Variants in GPR107 observed in about 807,000 individuals in gnomAD.
GPR107 encodes protein GPR107.
In GPR107, 31 loss-of-function variants were observed where a neutral mutation model predicts 75.5. The observed-to-expected ratio is 0.41, with a 90% confidence interval of 0.31 to 0.55. The LOEUF is 0.55. Ranked by LOEUF, GPR107 falls within the 20% of genes least tolerant of loss-of-function variation. The pLI, the probability that GPR107 is intolerant of heterozygous loss-of-function variation, is 0.26. For synonymous variants in GPR107, 267 were observed against 251.3 expected (o/e 1.06, Z -0.59); for missense variants, 572 against 665.7 (o/e 0.86, Z 1.55).
chr9:130,058,233 C>G (rs1829839798), intron 1 of GPR107, among the ~76,000 whole-genome samples: 1 of 152,098 alleles, frequency 6.6e-6, no homozygotes, highest in Non-Finnish European at 1.5e-5. Context: ...ATAAGATCAC[C>G]CATTTTAACT....
At position 130,135,745 on chromosome 9, in the gene GPR107, C is replaced by T. The variant is rs1831941865; in HGVS notation, c.*624C>T. ...CTGAGAGTGACCAGGACAGCAGCTC[C>T]TGAGGCCCAGTGGTCTTCTTTCCAA... is the stretch of plus-strand genomic sequence containing the variant. On this transcript the variant is annotated 3_prime_UTR_variant, in exon 18 of 18. Transcript: ENST00000347136. The T allele has an allele frequency of 6.6e-6, 1 of 152,332 alleles. No homozygotes were observed. The highest frequency in any genetic ancestry group is 2.4e-5 in the African/African-American group (1 of 41,470). 9.4% of individuals were successfully genotyped at this position (152,332 alleles called of 1,614,324 possible).
chr9:130,059,461 C>T (rs1829875042), intron 1 of GPR107, among the ~76,000 whole-genome samples: 1 of 151,942 alleles, frequency 6.6e-6, no homozygotes. Flanking sequence ...GCACTCAAGC[C>T]TGTGCGATAG....
At chr9:130,105,546 C>T (rs935386322) in intron 13 of GPR107, among the ~76,000 whole-genome samples, 6 of 151,984 alleles carry the variant, frequency 3.9e-5, no homozygotes, top group South Asian at 4.2e-4. Flanking sequence ...CATGAGTCAC[C>T]GCAGCTGGCT....
intron 15 of GPR107, among the ~76,000 whole-genome samples, 198 bp downstream of exon 15, chr9:130,125,162 G>T (rs947631014): frequency 6.9e-6 from 1 of 145,166 alleles, no homozygotes; most frequent in Admixed American, 7.1e-5. Context: ...GCAGTGGCAC[G>T]ATCTTCGCTC....
chr9:130,092,774 C>T (rs1053613617), intron 9 of GPR107, among the ~76,000 whole-genome samples: 3 of 152,088 alleles, frequency 2.0e-5, no homozygotes, highest in African/African-American at 7.2e-5. Flanking sequence ...CGCCACCACG[C>T]CCGCCTAATT....
chr9:130,066,903 G>C (rs1830084161), intron 1 of GPR107, among the ~76,000 whole-genome samples: 1 of 151,942 alleles, frequency 6.6e-6, no homozygotes, highest in Non-Finnish European at 1.5e-5. Flanking sequence ...GGAGAATGGC[G>C]TGAACCCAGG....
intron 15 of GPR107, among the ~76,000 whole-genome samples, chr9:130,126,108 C>T (rs149296190): frequency 1.3e-5 from 2 of 151,686 alleles, no homozygotes; most frequent in Non-Finnish European, 2.9e-5. Context: ...TCAAATTTCC[C>T]TGCAGAAAAC....
At chr9:130,083,745 C>T (rs1830546043) in intron 6 of GPR107, 143 bp downstream of exon 6, 1 of 444,534 alleles carries the variant, frequency 2.2e-6, no homozygotes, top group Non-Finnish European at 4.0e-6. Flanking sequence ...CCTTGGTGAC[C>T]ACAGGGGATT....
intron 5 of GPR107, 28 bp from the exon 6 acceptor site, chr9:130,083,537 A>G (rs777826529): frequency 6.8e-7 from 1 of 1,460,996 alleles, no homozygotes; most frequent in African/African-American, 1.5e-5. Context: ...GTCATGCAGC[A>G]CTCTCTTTTA....
At chr9:130,085,173 G>C (rs979336017) in intron 6 of GPR107, among the ~76,000 whole-genome samples, 1 of 152,176 alleles carries the variant, frequency 6.6e-6, no homozygotes, top group Admixed American at 6.5e-5. Context: ...GGGTAGCCTT[G>C]GAGAAGGAGA....
chr9:130,074,048 C>T (rs1056806825), intron 1 of GPR107, among the ~76,000 whole-genome samples: 8 of 152,184 alleles, frequency 5.3e-5, no homozygotes, highest in Non-Finnish European at 1.0e-4. Flanking sequence ...TGAGCCACCA[C>T]GCCCGGCCGA....
intron 1 of GPR107, among the ~76,000 whole-genome samples, chr9:130,071,925 TC>T (rs1306410217): frequency 6.6e-6 from 1 of 151,754 alleles, no homozygotes; most frequent in Non-Finnish European, 1.5e-5. Flanking sequence ...CCTCAGGTGA[TC>T]CGTCCGCCGC....
At chr9:130,117,260 C>T (rs534524483) in intron 14 of GPR107, among the ~76,000 whole-genome samples, 21 of 103,354 alleles carry the variant, frequency 2.0e-4, no homozygotes, top group African/African-American at 6.1e-4. Context: ...AATGTATTTT[C>T]GATTCATTTT....
chr9:130,065,746 G>C (rs1373929411), intron 1 of GPR107, among the ~76,000 whole-genome samples: 1 of 135,590 alleles, frequency 7.4e-6, no homozygotes, highest in Non-Finnish European at 1.6e-5. Context: ...CAGCCTGGGT[G>C]ACAGAGTGAG....
chr9:130,130,687 T>C (rs1554898895), intron 17 of GPR107, among the ~76,000 whole-genome samples: 1 of 152,040 alleles, frequency 6.6e-6, no homozygotes, highest in Non-Finnish European at 1.5e-5. Flanking sequence ...CTGGCCAACA[T>C]GGTGAAACCC....
At chr9:130,111,105 AT>A (rs1831288039) in intron 14 of GPR107, among the ~76,000 whole-genome samples, 1 of 151,984 alleles carries the variant, frequency 6.6e-6, no homozygotes, top group South Asian at 2.1e-4. Context: ...GTCCTGCCTC[AT>A]GAGGCCTCCC....
intron 17 of GPR107, chr9:130,129,073 CAG>C (rs1046795118): frequency 1.0e-4 from 21 of 204,854 alleles, no homozygotes; most frequent in African/African-American, 4.6e-4. Flanking sequence ...CGAGGGAGAA[CAG>C]GGGGCCGACT....
intron 1 of GPR107, among the ~76,000 whole-genome samples, chr9:130,065,482 T>C (rs1223834002): frequency 6.7e-6 from 1 of 149,250 alleles, no homozygotes; most frequent in East Asian, 2.0e-4. Context: ...GTGATGTTTG[T>C]AGGCCTGGTG....
In GPR107 at chr9:130,103,894, G is replaced by A. The variant is rs1831097879; in HGVS notation, c.1132-526G>A. 6.6e-6 allele frequency among the ~76,000 whole-genome samples: 1 copy of A among 152,196 alleles called. No homozygotes were observed. The highest frequency in any genetic ancestry group is 1.5e-5 in the Non-Finnish European group (1 of 68,046). ...CTCTCTCTCAGTTTCTGTGGGTTAG[G>A]AATTCAAGAGTGGCTAGCTGGGTAG... is the stretch of plus-strand genomic sequence containing the variant. On this transcript the variant is annotated intron_variant, in intron 12 of 17. Transcript: ENST00000347136. This position sits in a 1 kb window ranked among gnomAD's most constrained non-coding sequence, Gnocchi z 4.3.
Sources: gnomAD v4.1 joint callset for allele counts (sites outside exome capture counted in the v4.1 genomes callset) on GRCh38, gnomAD v4.1.1 for gene constraint, Gnocchi (gnomAD v3.1) non-coding constraint, MANE v1.5 for transcripts, NCBI Gene and HGNC (gene_info 2026-07-23, HGNC 2026-07-21) for gene names.